Variants in UNC45A observed in about 807,000 individuals in gnomAD.
The protein encoded by UNC45A is unc-45 myosin chaperone A, also known as protein unc-45 homolog A.
A neutral mutation model predicts 103.2 loss-of-function variants in UNC45A; 78 were observed. That is an observed-to-expected ratio of 0.76 (90% CI 0.63 to 0.91). The LOEUF is 0.91. Among genes scored for constraint, UNC45A ranks in the 40% least tolerant of loss-of-function variants. The pLI, the probability that UNC45A is intolerant of heterozygous loss-of-function variation, is 0.00. For synonymous variants in UNC45A, 495 were observed against 504.6 expected (o/e 0.98, Z 0.25); for missense variants, 1,193 against 1,224.8 (o/e 0.97, Z 0.39).
At chr15:90,935,798 C>T (rs1375107697) in intron 2 of UNC45A, 93 bp downstream of exon 2, 2 of 1,526,906 alleles carry the variant, frequency 1.3e-6, no homozygotes, top group African/African-American at 2.7e-5. Flanking sequence ...ATTCACGCTC[C>T]CAGGCCATCC....
chr15:90,935,353 A>C lies in UNC45A; in HGVS notation c.29A>C (p.Glu10Ala), dbSNP rs1289828343. 1.2e-6 allele frequency: 2 copies of C among 1,603,070 alleles called. No individual in the cohort carries two copies. The highest frequency in any genetic ancestry group is 4.5e-5 in the East Asian group (2 of 44,338). The change falls in exon 1 of 20, where the codon GAG (glutamate) becomes GCG (alanine). Residue 10 changes from glutamate (E) to alanine (A), a missense_variant. Glu to Ala is a moderately radical substitution (Grantham distance 107). Coordinates refer to ENST00000418476, the MANE Select transcript of UNC45A (RefSeq NM_018671.5). MTVSGPGTP[E>A]PRPATPGASS... Reference sequence around the variant, plus strand: ...ACTGTGAGTGGTCCAGGGACCCCCGAGCCCCGGCCGGCCACCCCCGGGGTG... The same window carrying C: ...ACTGTGAGTGGTCCAGGGACCCCCGCGCCCCGGCCGGCCACCCCCGGGGTG...
intron 6 of UNC45A, among the ~76,000 whole-genome samples, chr15:90,942,038 C>T (rs540966864): frequency 7.9e-5 from 12 of 151,914 alleles, no homozygotes; most frequent in African/African-American, 2.7e-4. Context: ...GTGACGTCCA[C>T]ATCCCCAGGG....
At chr15:90,939,634 T>C (rs1313226288) in intron 4 of UNC45A, 97 bp from the exon 5 acceptor site, 3 of 1,314,834 alleles carry the variant, frequency 2.3e-6, no homozygotes, top group Non-Finnish European at 3.3e-6. Context: ...ATCTTTACTG[T>C]GCCTCCCAGA....
At chr15:90,942,809 G>A (rs948658298) in intron 7 of UNC45A, 103 bp from the exon 8 acceptor site, 38 of 1,508,562 alleles carry the variant, frequency 2.5e-5, no homozygotes, top group South Asian at 5.2e-5. Flanking sequence ...CCTGGGATGC[G>A]GATCCCCCCT....
At chr15:90,931,692 A>G (rs1033079309), upstream of UNC45A, 2 of 1,614,006 alleles carry the variant, frequency 1.2e-6, no homozygotes, top group Non-Finnish European at 8.5e-7. Flanking sequence ...TACAGCCCAT[A>G]CGAAAGCGTA....
chr15:90,952,400 G>T (rs2151376906), intron 17 of UNC45A: 1 of 155,028 alleles, frequency 6.5e-6, no homozygotes, highest in African/African-American at 2.4e-5. Flanking sequence ...AGGAGCAAGA[G>T]ACAGTCGGGG....
intron 6 of UNC45A, chr15:90,941,078 G>T (rs1034067003): frequency 4.6e-5 from 7 of 152,180 alleles, no homozygotes; most frequent in African/African-American, 1.7e-4. Context: ...CACTTGCTTT[G>T]TAGGGGGCTT....
rs763639688 is a variant in UNC45A, at chr15:90,935,304, G to T, written c.-21G>T. ...CGCCCCAGAGACTGCGCCTGCGCGG[G>T]CACGAGACAACCTCTCCGCGATGAC... On this transcript the variant is annotated 5_prime_UTR_variant, in exon 1 of 20. Coordinates refer to ENST00000418476, the MANE Select transcript of UNC45A (RefSeq NM_018671.5). 1.3e-6 allele frequency: 2 copies of T among 1,596,874 alleles called. No homozygotes were observed. The highest frequency in any genetic ancestry group is 1.7e-5 in the Admixed American group (1 of 58,032).
intron 16 of UNC45A, 67 bp from the exon 17 acceptor site, chr15:90,950,433 C>T: frequency 1.3e-6 from 2 of 1,559,850 alleles, no homozygotes; most frequent in Non-Finnish European, 1.8e-6. Context: ...GGGCTTCTCC[C>T]TGCAGGGTTG....
At chr15:90,950,388 A>T (rs927347397) in intron 16 of UNC45A, 112 bp from the exon 17 acceptor site, 56 of 1,464,854 alleles carry the variant, frequency 3.8e-5, no homozygotes, top group Non-Finnish European at 5.0e-5. Flanking sequence ...TGGGGCAGGG[A>T]GGACAGCCTG....
In UNC45A at chr15:90,953,878, G is replaced by A. The variant is rs1461713089; in HGVS notation, c.*162G>A. The A allele has an allele frequency of 7.7e-6, 8 of 1,044,398 alleles. No individual in the cohort carries two copies. The highest frequency in any genetic ancestry group is 2.4e-4 in the Middle Eastern group (1 of 4,126). 64.7% of individuals were successfully genotyped at this position (1,044,398 alleles called of 1,614,324 possible). A position where few individuals can be genotyped will look rare whatever the true frequency, so the allele number is the denominator to read the frequency against. On this transcript the variant is annotated 3_prime_UTR_variant, in exon 20 of 20. Coordinates refer to ENST00000418476, the MANE Select transcript of UNC45A (RefSeq NM_018671.5). ...TCCTCTGTTCTGAGTCAGCGGCCAC[G>A]TTCAGTCACACAGCCCTGCTTGGCC... is the stretch of plus-strand genomic sequence containing the variant.
Position 90,946,634 on chromosome 15 carries a change from G to A in UNC45A, c.1220G>A (p.Gly407Glu). Residue 407 changes from glycine (G) to glutamate (E), a missense_variant, in exon 10 of 20, where the codon GGG (glycine) becomes GAG (glutamate). Physicochemically the swap from Gly to Glu is moderately conservative, Grantham distance 98. Transcript: ENST00000418476. ...NYIKSWFEGQ[G>E]LAGKLRAIQT... Reference sequence around the variant, plus strand: ...CTCAGGAGCTGGTTTGAGGGCCAAGGGCTGGCCGGGAAGCTACGGGCCATC... The same window carrying A: ...CTCAGGAGCTGGTTTGAGGGCCAAGAGCTGGCCGGGAAGCTACGGGCCATC... The A allele has an allele frequency of 6.2e-7, 1 of 1,608,928 alleles. No homozygotes were observed. The highest frequency in any genetic ancestry group is 1.1e-5 in the South Asian group (1 of 90,660).
rs574840565 is a variant in UNC45A at position 90,945,866 on chromosome 15, C to T, written c.1200-748C>T. On this transcript the variant is annotated intron_variant, in intron 9 of 19. Coordinates refer to ENST00000418476, the MANE Select transcript of UNC45A (RefSeq NM_018671.5). ...CAGGCTGGTCTCGAACTCCTGACCT[C>T]ACACCTGAGGTGATCTGCCCGCCTT... 1.8e-4 allele frequency among the ~76,000 whole-genome samples: 27 copies of T among 150,440 alleles called. No individual in the cohort carries two copies. The South Asian group carries it at 5.4e-3, about 30-fold the overall frequency.
At chr15:90,951,840 C>A (rs1344494003) in intron 17 of UNC45A, among the ~76,000 whole-genome samples, 2 of 152,118 alleles carry the variant, frequency 1.3e-5, no homozygotes, top group Admixed American at 6.6e-5. Context: ...ATCACTTGAG[C>A]CTGGGGGGGT....
rs112958148 is a variant in UNC45A at position 90,949,230 on chromosome 15, C to T, written c.1879-86C>T. 23,300 of 1,515,420 alleles carry T rather than the reference C, an allele frequency of 0.015. 2,551 individuals carry two copies. The African/African-American group carries it at 0.26, about 17-fold the overall frequency. The allele number at this position is 1,515,420 out of a possible 1,614,324, so 93.9% of individuals were successfully genotyped here. ...CCTTTTGTCTGGCTGTTTTATTTCCCAGTTCCTCAATTACTGCTGTGAGAA... is the reference window on the plus strand; with the variant it reads ...CCTTTTGTCTGGCTGTTTTATTTCCTAGTTCCTCAATTACTGCTGTGAGAA... On this transcript the variant is annotated intron_variant, in intron 13 of 19. Coordinates refer to ENST00000418476, the MANE Select transcript of UNC45A (RefSeq NM_018671.5).
upstream of UNC45A, chr15:90,932,493 AGCCGCGAAGTCGGCAGCCTCCAG>A (rs2035838826): frequency 1.5e-6 from 2 of 1,310,140 alleles, no homozygotes; most frequent in Non-Finnish European, 1.9e-6. Flanking sequence ...GGTGCTTGCG[AGCCGCGAAGTCGGCAGCCTCCAG>A]CAGCTGCGCC....
chr15:90,946,930 T>TG lies in UNC45A; in HGVS notation c.1500+20dup. 3 of 784,958 alleles carry TG rather than the reference T, an allele frequency of 3.8e-6. No homozygotes were observed. The highest frequency in any genetic ancestry group is 6.2e-6 in the Non-Finnish European group (3 of 484,362). 48.6% of individuals were successfully genotyped at this position (784,958 alleles called of 1,614,324 possible). On this transcript the variant is annotated intron_variant, in intron 10 of 19. Coordinates refer to ENST00000418476, the MANE Select transcript of UNC45A (RefSeq NM_018671.5). ...GGCGCTAGTGGTGAGACGGTGGGCC[T>TG]GGGGTGGGTGGGCAGGCAGCCAGGC...
Position 90,946,651 on chromosome 15 carries a change from C to T in UNC45A, c.1237C>T (p.Arg413Trp), listed in dbSNP as rs373214423. The change falls in exon 10 of 20, where the codon CGG (arginine) becomes TGG (tryptophan). Residue 413 changes from arginine (R) to tryptophan (W), a missense_variant. Coordinates refer to ENST00000418476, the MANE Select transcript of UNC45A (RefSeq NM_018671.5). Reference sequence around the variant, plus strand: ...GGGCCAAGGGCTGGCCGGGAAGCTACGGGCCATCCAGACGGTGTCCTGCCT... The same window carrying T: ...GGGCCAAGGGCTGGCCGGGAAGCTATGGGCCATCCAGACGGTGTCCTGCCT... ...FEGQGLAGKL[R>W]AIQTVSCLLQ... 3.6e-5 allele frequency: 58 copies of T among 1,611,088 alleles called. No individual in the cohort carries two copies. In the African/African-American group the frequency reaches 4.3e-4, roughly 12 times the overall value.
chr15:90,935,255 G>A, upstream of UNC45A: 7 of 1,458,912 alleles, frequency 4.8e-6, no homozygotes, highest in Non-Finnish European at 6.6e-6. Context: ...AGCTGCCGGT[G>A]GCGTCCCGAA....
Sources: allele counts gnomAD v4.1 joint callset (sites outside exome capture counted in the v4.1 genomes callset), GRCh38; gene constraint gnomAD v4.1.1; transcripts MANE v1.5; gene names NCBI Gene and HGNC (gene_info 2026-07-23, HGNC 2026-07-21).